SPTB: variants seen among roughly 807,000 people sequenced by gnomAD.
SPTB encodes spectrin beta chain, erythrocytic.
In SPTB, 45 loss-of-function variants were observed where a neutral mutation model predicts 256.2. The ratio of observed to expected loss-of-function variants is 0.18; its 90% CI spans 0.14 to 0.23. The LOEUF (loss-of-function observed/expected upper bound fraction) is 0.23. Ranked by LOEUF, SPTB falls within the 10% of genes least tolerant of loss-of-function variation. The pLI, the probability that SPTB is intolerant of heterozygous loss-of-function variation, is 1.00. For missense variants in SPTB, 2,715 were observed against 3,040.4 expected (o/e 0.89, Z 2.52); for synonymous variants, 1,231 against 1,243.1 (o/e 0.99, Z 0.21).
rs2082142219 is a variant in SPTB at position 64,764,844 on chromosome 14, G to A, written c.6345+1882C>T. On this transcript the variant is annotated intron_variant, in intron 32 of 35. Coordinates refer to ENST00000644917, the MANE Select transcript of SPTB (RefSeq NM_001355436.2). The surrounding 1 kb of genome is among the most constrained non-coding windows in gnomAD (Gnocchi z 4.2). ...GGGCTGTTGCTGGGAAAAAGGGGCT[G>A]GGACACAGTCCACCACAGACAGGGA... is the stretch of plus-strand genomic sequence containing the variant. 6.6e-6 allele frequency among the ~76,000 whole-genome samples: 1 copy of A among 152,116 alleles called. No homozygotes were observed. The highest frequency in any genetic ancestry group is 2.4e-5 in the African/African-American group (1 of 41,438).
chr14:64,805,113 G>C (rs562302537), intron 2 of SPTB, 23 bp from the exon 3 acceptor site: 1 of 1,614,140 alleles, frequency 6.2e-7, no homozygotes, highest in East Asian at 2.2e-5. Context: ...AAGAACCTTG[G>C]TGAGGTGCCT....
rs1330597686 is a variant in SPTB at position 64,769,640 on chromosome 14, G to A, written c.5887C>T (p.Leu1963=). The A allele has an allele frequency of 1.2e-6, 2 of 1,614,028 alleles. No homozygotes were observed. The highest frequency in any genetic ancestry group is 1.7e-6 in the Non-Finnish European group (2 of 1,180,042). ...TGCAGCAGGGACTCGCCAAGCTCCA[G>A]GCAGGCACTGAAGTTCTTGCTCCGG... ...ETRSKNFSAC[L]ELGESLLQRQ... The change falls in exon 28 of 36, where the codon CTG becomes TTG. Residue 1963 remains leucine, a synonymous_variant. Coordinates refer to ENST00000644917, the MANE Select transcript of SPTB (RefSeq NM_001355436.2).
chr14:64,765,322 G>A lies in SPTB; in HGVS notation c.6345+1404C>T, dbSNP rs898933431. On this transcript the variant is annotated intron_variant, in intron 32 of 35. Coordinates refer to ENST00000644917, the MANE Select transcript of SPTB (RefSeq NM_001355436.2). ...CAGCGGGGACATGCAGGGGGAAGCC[G>A]TGCAAGCCGTGTGCTGAATTCTTGC... is the stretch of plus-strand genomic sequence containing the variant. 5.3e-5 allele frequency among the ~76,000 whole-genome samples: 8 copies of A among 152,210 alleles called. No individual in the cohort carries two copies. In the South Asian group the frequency reaches 6.2e-4, roughly 12 times the overall value.
intron 2 of SPTB, among the ~76,000 whole-genome samples, chr14:64,814,948 T>A (rs983283324): frequency 1.3e-5 from 2 of 152,128 alleles, no homozygotes; most frequent in African/African-American, 4.8e-5. Context: ...ATGATAATGG[T>A]TTTAGAATGG....
chr14:64,779,963 C>A lies in SPTB; in HGVS notation c.4267-32G>T. 2 of 1,577,418 alleles carry A rather than the reference C, an allele frequency of 1.3e-6. No individual in the cohort carries two copies. Among genetic ancestry groups the A allele is most frequent in the South Asian group, 2.2e-5 (2 of 90,258 alleles). On this transcript the variant is annotated intron_variant, in intron 20 of 35. Coordinates refer to ENST00000644917, the MANE Select transcript of SPTB (RefSeq NM_001355436.2). The surrounding 1 kb of genome is among the most constrained non-coding windows in gnomAD (Gnocchi z 4.2). The stretch of plus-strand genomic sequence containing the variant: ...CACAAGGGGACGGTGTCAGCACCAG[C>A]CTTGGCACCTGCACAGCCCCTCCAT...
Position 64,775,212 on chromosome 14 carries a change from C to T in SPTB, c.4755G>A (p.Glu1585=). Residue 1585 remains glutamate, a synonymous_variant, in exon 23 of 36, where the codon GAG becomes GAA. Transcript: ENST00000644917. This position sits in a 1 kb window ranked among gnomAD's most constrained non-coding sequence, Gnocchi z 5.0. ...GRLQRLRDAN[E]AQQYYLDADE... ...CTGCATCCAGGTAGTACTGCTGTGC[C>T]TCGTTGGCGTCCCTCAGTCGCTGCA... 2 of 1,613,888 alleles carry T rather than the reference C, an allele frequency of 1.2e-6. No homozygotes were observed. Among genetic ancestry groups the T allele is most frequent in the South Asian group, 2.2e-5 (2 of 91,090 alleles).
chr14:64,795,690 A>C lies in SPTB; in HGVS notation c.1342-51T>G. 3 of 1,595,884 alleles carry C rather than the reference A, an allele frequency of 1.9e-6. No individual in the cohort carries two copies. The highest frequency in any genetic ancestry group is 2.6e-6 in the Non-Finnish European group (3 of 1,165,898). Reference sequence around the variant, plus strand: ...AGCTCAGTCAGACACCCAGGGGCTCATCCCCAAACTCAGGGACAGGGCAGC... The same window carrying C: ...AGCTCAGTCAGACACCCAGGGGCTCCTCCCCAAACTCAGGGACAGGGCAGC... On this transcript the variant is annotated intron_variant, in intron 11 of 35. Coordinates refer to ENST00000644917, the MANE Select transcript of SPTB (RefSeq NM_001355436.2). This position sits in a 1 kb window ranked among gnomAD's most constrained non-coding sequence, Gnocchi z 6.5.
chr14:64,820,071 C>G (rs903427048), intron 2 of SPTB, among the ~76,000 whole-genome samples: 3 of 152,148 alleles, frequency 2.0e-5, no homozygotes, highest in Non-Finnish European at 2.9e-5. Flanking sequence ...CAGAAGAAGA[C>G]GCCAGGCCAG....
At chr14:64,812,180 C>G (rs1052607906) in intron 2 of SPTB, among the ~76,000 whole-genome samples, 3 of 152,234 alleles carry the variant, frequency 2.0e-5, no homozygotes. Flanking sequence ...AACTCCTCAC[C>G]TCAGGTGATC....
At chr14:64,829,628 G>A (rs2083422256) in intron 1 of SPTB, among the ~76,000 whole-genome samples, 1 of 152,206 alleles carries the variant, frequency 6.6e-6, no homozygotes, top group Non-Finnish European at 1.5e-5. Context: ...AGCAAAATAA[G>A]AAGCAGCTTA....
intron 19 of SPTB, among the ~76,000 whole-genome samples, chr14:64,783,816 A>C (rs1215577068): frequency 6.6e-6 from 1 of 152,202 alleles, no homozygotes; most frequent in East Asian, 1.9e-4. Flanking sequence ...AGGAGTGGAA[A>C]CGACCACTCC....
chr14:64,779,588 TCA>T lies in SPTB; in HGVS notation c.4473+135_4473+136del, dbSNP rs2082427463. ...TTGAGCTTTCCATTTAATGTAATCCTCACAAGAACCCTATGAGATAAGGGGTG... is the reference window on the plus strand; with the variant it reads ...TTGAGCTTTCCATTTAATGTAATCCTCAAGAACCCTATGAGATAAGGGGTG... On this transcript the variant is annotated intron_variant, in intron 21 of 35. Coordinates refer to ENST00000644917, the MANE Select transcript of SPTB (RefSeq NM_001355436.2). This position sits in a 1 kb window ranked among gnomAD's most constrained non-coding sequence, Gnocchi z 4.2. 21 of 910,884 alleles carry T rather than the reference TCA, an allele frequency of 2.3e-5. No homozygotes were observed. The highest frequency in any genetic ancestry group is 3.8e-5 in the Non-Finnish European group (21 of 552,676). The allele number at this position is 910,884 out of a possible 1,614,324, so 56.4% of individuals were successfully genotyped here.
rs1204521104 is a variant in SPTB at position 64,824,186 on chromosome 14, G to C, written c.-51-1041C>G. Among the ~76,000 whole-genome samples, 1 of 152,176 alleles carries C rather than the reference G, an allele frequency of 6.6e-6. No homozygotes were observed. Among genetic ancestry groups the C allele is most frequent in the Non-Finnish European group, 1.5e-5 (1 of 68,032 alleles). On this transcript the variant is annotated intron_variant, in intron 1 of 35. Transcript: ENST00000644917. The surrounding 1 kb of genome is among the most constrained non-coding windows in gnomAD (Gnocchi z 5.7). ...TGTGATGTGTGTCATGGCTGGCTTA[G>C]GTGGGGACTCGGCGGGGACTGGTAT...
rs186739999 is a variant in SPTB at position 64,842,858 on chromosome 14, C to T, written c.-51-19713G>A. Among the ~76,000 whole-genome samples, 19 of 152,228 alleles carry T rather than the reference C, an allele frequency of 1.2e-4. No homozygotes were observed. The East Asian group carries it at 2.5e-3, about 20-fold the overall frequency. Reference sequence around the variant, plus strand: ...GCTAAAGCAGGAGGACCACTTGAACCCAGGAGTTTGAGACCAGCCTGGGAA... The same window carrying T: ...GCTAAAGCAGGAGGACCACTTGAACTCAGGAGTTTGAGACCAGCCTGGGAA... On this transcript the variant is annotated intron_variant, in intron 1 of 35. Transcript: ENST00000644917.
intron 33 of SPTB, chr14:64,752,429 C>G (rs2081965882): frequency 1.7e-5 from 7 of 422,872 alleles, no homozygotes; most frequent in Admixed American, 1.5e-4. Flanking sequence ...TTTTACGAAG[C>G]CCCATTTCTG....
chr14:64,849,180 T>C (rs1383412031), intron 1 of SPTB, among the ~76,000 whole-genome samples: 1 of 152,200 alleles, frequency 6.6e-6, no homozygotes, highest in Non-Finnish European at 1.5e-5. Context: ...TGGGATGCTG[T>C]CCCAAACACC....
chr14:64,827,856 C>T lies in SPTB; in HGVS notation c.-51-4711G>A, dbSNP rs2083397498. Among the ~76,000 whole-genome samples the T allele has an allele frequency of 6.6e-6, 1 of 152,118 alleles. No homozygotes were observed. The highest frequency in any genetic ancestry group is 1.5e-5 in the Non-Finnish European group (1 of 68,020). On this transcript the variant is annotated intron_variant, in intron 1 of 35. Coordinates refer to ENST00000644917, the MANE Select transcript of SPTB (RefSeq NM_001355436.2). This position sits in a 1 kb window ranked among gnomAD's most constrained non-coding sequence, Gnocchi z 4.6. ...ATGGCTAAGACTGAGCATGGGGCTACCAGGACAGCAGAACCAGGGAGTTTC... is the reference window on the plus strand; with the variant it reads ...ATGGCTAAGACTGAGCATGGGGCTATCAGGACAGCAGAACCAGGGAGTTTC...
Position 64,795,274 on chromosome 14 carries a change from C to T in SPTB, c.1644+63G>A. 1 of 1,582,198 alleles carries T rather than the reference C, an allele frequency of 6.3e-7. No homozygotes were observed. The highest frequency in any genetic ancestry group is 8.6e-7 in the Non-Finnish European group (1 of 1,165,838). On this transcript the variant is annotated intron_variant, in intron 12 of 35. Coordinates refer to ENST00000644917, the MANE Select transcript of SPTB (RefSeq NM_001355436.2). This position sits in a 1 kb window ranked among gnomAD's most constrained non-coding sequence, Gnocchi z 6.5. The stretch of plus-strand genomic sequence containing the variant: ...TGTCTAAGGAAGCCTATGCTAACTG[C>T]AGGGCCACTGAGACCCAAGGTGAGC...
chr14:64,779,836 C>T lies in SPTB; in HGVS notation c.4362G>A (p.Leu1454=), dbSNP rs1287843603. Residue 1454 remains leucine (L), a synonymous_variant, in exon 21 of 36, where the codon TTG becomes TTA. Coordinates refer to ENST00000644917, the MANE Select transcript of SPTB (RefSeq NM_001355436.2). This position sits in a 1 kb window ranked among gnomAD's most constrained non-coding sequence, Gnocchi z 4.2. The part of the protein sequence containing the change: ...SMGEEGGDAD[L]SIEKRFLDLL... ...GGTCCAGGAACCGCTTCTCGATGCTCAAGTCTGCATCTCCTCCCTCCTCTC... is the reference window on the plus strand; with the variant it reads ...GGTCCAGGAACCGCTTCTCGATGCTTAAGTCTGCATCTCCTCCCTCCTCTC... 6.2e-7 allele frequency: 1 copy of T among 1,614,040 alleles called. No individual in the cohort carries two copies. The highest frequency in any genetic ancestry group is 1.3e-5 in the African/African-American group (1 of 74,904).
Sources: allele counts gnomAD v4.1 joint callset (sites outside exome capture counted in the v4.1 genomes callset), GRCh38; gene constraint gnomAD v4.1.1; non-coding constraint Gnocchi (gnomAD v3.1); transcripts MANE v1.5; gene names NCBI Gene and HGNC (gene_info 2026-07-23, HGNC 2026-07-21).